The following MORF4L1 variants were observed in gnomAD, a reference collection of about 807,000 sequenced individuals.
The protein encoded by MORF4L1 is mortality factor 4 like 1.
In MORF4L1, 4 loss-of-function variants were observed where a neutral mutation model predicts 52.9. The observed-to-expected ratio is 0.08, with a 90% CI of 0.04 to 0.17. The LOEUF is 0.17. Among genes scored for constraint, MORF4L1 ranks in the 10% least tolerant of loss-of-function variants. The pLI, the probability that MORF4L1 is intolerant of heterozygous loss-of-function variation, is 1.00. For synonymous variants in MORF4L1, 123 were observed against 134.8 expected, an observed-to-expected ratio of 0.91 and a Z score of 0.61; for missense variants, 214 against 390.4, an observed-to-expected ratio of 0.55 and a Z score of 3.81.
At chr15:78,889,266 A>G (rs1055895741) in intron 5 of MORF4L1, among the ~76,000 whole-genome samples, 2 of 152,228 alleles carry the variant, frequency 1.3e-5, no homozygotes, top group African/African-American at 4.8e-5. Flanking sequence ...AGCTCTTACT[A>G]CTAGGACTTA....
At chr15:78,884,639 CAAAAA>C (rs71148577) in intron 3 of MORF4L1, among the ~76,000 whole-genome samples, 5 of 89,572 alleles carry the variant, frequency 5.6e-5, no homozygotes, top group Non-Finnish European at 8.2e-5. Flanking sequence ...AACTCTGTCT[CAAAAA>C]AAAAAAAAAA....
intron 2 of MORF4L1, among the ~76,000 whole-genome samples, chr15:78,878,650 A>G (rs912622122): frequency 9.2e-5 from 14 of 152,242 alleles, no homozygotes; most frequent in African/African-American, 3.4e-4. Context: ...AAAAGCCAAT[A>G]TTAAAAATAA....
chr15:78,891,494 T>C lies in MORF4L1; in HGVS notation c.360T>C (p.Asn120=). Residue 120 remains asparagine (N), a synonymous_variant, in exon 7 of 12, where the codon AAT becomes AAC. Transcript: ENST00000426013. The part of the protein sequence containing the change: ...TKKNKQKTPG[N]GDGGSTSETP... The stretch of plus-strand genomic sequence containing the variant: ...CGCCAACATTTACAGCACCTGGAAA[T>C]GGAGATGGTGGCAGTACCAGTGAGA... The C allele has an allele frequency of 1.2e-6, 2 of 1,613,846 alleles. No individual in the cohort carries two copies. The highest frequency in any genetic ancestry group is 1.1e-5 in the South Asian group (1 of 91,068).
chr15:78,891,332 A>AT, intron 6 of MORF4L1, 152 bp from the exon 7 acceptor site: 1 of 682,050 alleles, frequency 1.5e-6, no homozygotes. Context: ...TGAAAGTTGT[A>AT]TTTTTGGTAG....
At chr15:78,894,749 A>T in intron 10 of MORF4L1, 71 bp from the exon 11 acceptor site, 1 of 1,168,408 alleles carries the variant, frequency 8.6e-7, no homozygotes, top group Non-Finnish European at 1.3e-6. Flanking sequence ...GTTTGCTCAC[A>T]TAATTAAAAT....
intron 2 of MORF4L1, among the ~76,000 whole-genome samples, 157 bp downstream of exon 2, chr15:78,878,416 T>A (rs1447520898): frequency 7.3e-6 from 1 of 136,604 alleles, no homozygotes; most frequent in Non-Finnish European, 1.6e-5. Context: ...GAGATTCTTA[T>A]TGTTTTGCTT....
At chr15:78,876,836 G>T (rs1017722633) in intron 1 of MORF4L1, among the ~76,000 whole-genome samples, 3 of 152,180 alleles carry the variant, frequency 2.0e-5, no homozygotes, top group Non-Finnish European at 4.4e-5. Flanking sequence ...AAGAATTATA[G>T]AACTGATTTA....
At chr15:78,894,543 G>C (rs949805440) in intron 10 of MORF4L1, 5 of 405,654 alleles carry the variant, frequency 1.2e-5, no homozygotes, top group Admixed American at 4.0e-5. Context: ...AAGTAGCTGG[G>C]ATCACAGGTG....
intron 10 of MORF4L1, 71 bp downstream of exon 10, chr15:78,894,301 GTAAT>G (rs2056847887): frequency 3.2e-6 from 4 of 1,244,004 alleles, no homozygotes; most frequent in Non-Finnish European, 4.3e-6. Context: ...AAGAGGTAAA[GTAAT>G]TAACTTTCCA....
chr15:78,893,398 C>T (rs1019419305), intron 8 of MORF4L1, 141 bp from the exon 9 acceptor site: 3 of 590,208 alleles, frequency 5.1e-6, no homozygotes, highest in Non-Finnish European at 6.2e-6. Flanking sequence ...GCCACATTAT[C>T]CATGTTTTAA....
At chr15:78,873,908 G>A (rs1340670727) in intron 1 of MORF4L1, 1 of 152,226 alleles carries the variant, frequency 6.6e-6, no homozygotes, top group Non-Finnish European at 1.5e-5. Context: ...CAGTGTTGAC[G>A]CCGTTTGCAT....
intron 2 of MORF4L1, among the ~76,000 whole-genome samples, chr15:78,879,408 G>A (rs2056557905): frequency 6.6e-6 from 1 of 152,252 alleles, no homozygotes; most frequent in Non-Finnish European, 1.5e-5. Flanking sequence ...TTTTAGTAGA[G>A]ACGGGGTTTC....
chr15:78,894,499 C>T (rs1374821453), intron 10 of MORF4L1: 3 of 369,262 alleles, frequency 8.1e-6, no homozygotes, highest in Non-Finnish European at 9.7e-6. Flanking sequence ...ACCTCCGCCT[C>T]CTGGGTTCAA....
intron 3 of MORF4L1, among the ~76,000 whole-genome samples, chr15:78,885,790 T>C (rs545302755): frequency 2.0e-5 from 3 of 152,200 alleles, no homozygotes; most frequent in Non-Finnish European, 4.4e-5. Context: ...TAACTGAGTT[T>C]TTGACTCCTG....
chr15:78,885,163 A>G (rs939592261), intron 3 of MORF4L1: 12 of 1,147,072 alleles, frequency 1.0e-5, no homozygotes, highest in Admixed American at 4.5e-5. Flanking sequence ...GCTGTATTAT[A>G]TAAGAGGTCA....
In MORF4L1 at chr15:78,897,264, A is replaced by G. The variant is rs1326660035; in HGVS notation, c.*197A>G. ...TTCTTTCTTTTTTTTTTTCATTTCA[A>G]AATTGCTGCCAGTGTTTTCAATGAT... On this transcript the variant is annotated 3_prime_UTR_variant, in exon 12 of 12. Transcript: ENST00000426013. 3.2e-5 allele frequency: 15 copies of G among 462,294 alleles called. No homozygotes were observed. The highest frequency in any genetic ancestry group is 8.0e-5 in the African/African-American group (4 of 50,298). 28.6% of individuals were successfully genotyped at this position (462,294 alleles called of 1,614,324 possible).
At chr15:78,884,457 T>G (rs1289811681) in intron 3 of MORF4L1, among the ~76,000 whole-genome samples, 1 of 151,760 alleles carries the variant, frequency 6.6e-6, no homozygotes, top group Non-Finnish European at 1.5e-5. Flanking sequence ...CTGACCAACA[T>G]GGAGAAACCC....
At chr15:78,882,075 A>G (rs1342606756) in intron 3 of MORF4L1, among the ~76,000 whole-genome samples, 1 of 152,208 alleles carries the variant, frequency 6.6e-6, no homozygotes, top group African/African-American at 2.4e-5. Context: ...TTCCATTAAT[A>G]TAAATGTGGA....
chr15:78,887,395 ATAT>A (rs1385443337), intron 5 of MORF4L1, 46 bp downstream of exon 5: 13 of 1,508,254 alleles, frequency 8.6e-6, no homozygotes, highest in Non-Finnish European at 1.8e-6. Context: ...TGTGAAGATA[ATAT>A]TTTATGTTCA....
Sources: allele counts gnomAD v4.1 joint callset (sites outside exome capture counted in the v4.1 genomes callset), GRCh38; gene constraint gnomAD v4.1.1; transcripts MANE v1.5; gene names NCBI Gene and HGNC (gene_info 2026-07-23, HGNC 2026-07-21).